SETD7: variants seen among roughly 807,000 people sequenced by gnomAD.
SETD7 encodes the protein histone-lysine N-methyltransferase SETD7.
In SETD7, 16 loss-of-function variants were observed where a neutral mutation model predicts 41.8. That is an observed-to-expected ratio of 0.38 (90% CI 0.26 to 0.58). The LOEUF is 0.58. Ranked by LOEUF, SETD7 falls within the 20% of genes least tolerant of loss-of-function variation. The pLI is 0.64. For synonymous variants in SETD7, 163 were observed against 169.7 expected, an observed-to-expected ratio of 0.96 and a Z score of 0.31; for missense variants, 346 against 459.7, an observed-to-expected ratio of 0.75 and a Z score of 2.26.
At chr4:139,502,690 A>T (rs1450035867), downstream of SETD7, among the ~76,000 whole-genome samples, 1 of 152,186 alleles carries the variant, frequency 6.6e-6, no homozygotes, top group South Asian at 2.1e-4. Context: ...TCCACCACAC[A>T]ACCCTCCCTC....
intron 7 of SETD7, among the ~76,000 whole-genome samples, chr4:139,515,553 T>C (rs940000964): frequency 4.6e-5 from 7 of 152,254 alleles, no homozygotes; most frequent in Non-Finnish European, 5.9e-5. Context: ...TGTTAAGCTG[T>C]GTGCAGCTTG....
At chr4:139,499,632 C>A (rs759313211) in intron 7 of SETD7, among the ~76,000 whole-genome samples, 30 of 151,804 alleles carry the variant, frequency 2.0e-4, no homozygotes, top group Non-Finnish European at 4.3e-4. Flanking sequence ...CCAATCAATC[C>A]TTTCAGTTTC....
intron 7 of SETD7, among the ~76,000 whole-genome samples, chr4:139,496,875 C>T (rs1186740151): frequency 2.0e-5 from 3 of 148,532 alleles, no homozygotes; most frequent in Admixed American, 6.7e-5. Flanking sequence ...TGTTCCTGTA[C>T]ACACACACAC....
chr4:139,503,850 A>G (rs720257), downstream of SETD7, among the ~76,000 whole-genome samples: 96,163 of 152,010 alleles, frequency 0.63, 32,540 homozygotes, highest in South Asian at 0.79. Context: ...CACTCAGATA[A>G]TCATAGTGCC....
chr4:139,518,338 A>T (rs1727086547), intron 6 of SETD7, among the ~76,000 whole-genome samples: 1 of 152,178 alleles, frequency 6.6e-6, no homozygotes, highest in Non-Finnish European at 1.5e-5. Context: ...CATGTTGGCC[A>T]GGCTGGTCTC....
intron 2 of SETD7, among the ~76,000 whole-genome samples, chr4:139,545,432 C>T (rs1727912916): frequency 6.6e-6 from 1 of 152,088 alleles, no homozygotes; most frequent in Non-Finnish European, 1.5e-5. Context: ...CAGGCCAATA[C>T]CAACATACTG....
At chr4:139,542,057 T>C (rs1411512175) in intron 2 of SETD7, among the ~76,000 whole-genome samples, 1 of 152,206 alleles carries the variant, frequency 6.6e-6, no homozygotes, top group African/African-American at 2.4e-5. Context: ...CTATTCAGCA[T>C]AAAAACAAAA....
At chr4:139,526,265 C>A (rs980599656) in intron 4 of SETD7, among the ~76,000 whole-genome samples, 1 of 150,760 alleles carries the variant, frequency 6.6e-6, no homozygotes, top group Non-Finnish European at 1.5e-5. Flanking sequence ...AGAATTCTCA[C>A]TCTCAACAAT....
At chr4:139,493,947 G>A (rs1223373020), downstream of SETD7, among the ~76,000 whole-genome samples, 1 of 152,096 alleles carries the variant, frequency 6.6e-6, no homozygotes, top group African/African-American at 2.4e-5. Flanking sequence ...AACTTTTCTG[G>A]AGGCTCACTC....
chr4:139,517,475 C>CA lies in SETD7; in HGVS notation c.920+409dup, dbSNP rs56132171. Among the ~76,000 whole-genome samples, 12 of 134,076 alleles carry CA rather than the reference C, an allele frequency of 9.0e-5. 1 individual carries two copies. Among genetic ancestry groups the CA allele is most frequent in the African/African-American group, 2.2e-4 (7 of 31,804 alleles). The allele number at this position is 134,076 out of a possible 152,430, so 88.0% of individuals were successfully genotyped here. Reference sequence around the variant, plus strand: ...GGGCATCAAGAAGGAAAATCCATCTCAAAAAAAAAAAAAAAAAAAAAAAAA... The same window carrying CA: ...GGGCATCAAGAAGGAAAATCCATCTCAAAAAAAAAAAAAAAAAAAAAAAAAA... On this transcript the variant is annotated intron_variant, in intron 7 of 7. Transcript: ENST00000274031.
chr4:139,518,151 A>C, intron 6 of SETD7, 109 bp from the exon 7 acceptor site: 1 of 1,197,420 alleles, frequency 8.4e-7, no homozygotes, highest in Non-Finnish European at 1.1e-6. Flanking sequence ...TTTTTGAGAC[A>C]GGGTCTCACT....
At chr4:139,512,909 T>A (rs963019075) in intron 7 of SETD7, among the ~76,000 whole-genome samples, 2 of 151,514 alleles carry the variant, frequency 1.3e-5, no homozygotes, top group African/African-American at 4.8e-5. Context: ...AGGTGTGTGC[T>A]ACCATGGCCA....
chr4:139,553,703 G>A lies in SETD7; in HGVS notation c.40+2395C>T, dbSNP rs562983448. Reference sequence around the variant, plus strand: ...ATGTCTGTGAAACACTTAGCACAGAGCCTGCACTTAATAAGAACTAAACAA... The same window carrying A: ...ATGTCTGTGAAACACTTAGCACAGAACCTGCACTTAATAAGAACTAAACAA... On this transcript the variant is annotated intron_variant, in intron 1 of 7. Coordinates refer to ENST00000274031, the MANE Select transcript of SETD7 (RefSeq NM_030648.4). 6.6e-5 allele frequency among the ~76,000 whole-genome samples: 10 copies of A among 152,270 alleles called. No homozygotes were observed. In the South Asian group the frequency reaches 2.1e-3, roughly 32 times the overall value.
At chr4:139,551,763 G>A (rs1413714604) in intron 1 of SETD7, among the ~76,000 whole-genome samples, 1 of 152,142 alleles carries the variant, frequency 6.6e-6, no homozygotes, top group Non-Finnish European at 1.5e-5. Context: ...GCTCATGCCT[G>A]TAATCCCAGC....
At position 139,556,012 on chromosome 4, in the gene SETD7, G is replaced by C. The variant is rs1225424233; in HGVS notation, c.40+86C>G. ...GGGGACAGTGGCGGCCGCGGGGCCC[G>C]GCGCCGCGCTGTTCGCAGCCCGCCA... On this transcript the variant is annotated intron_variant, in intron 1 of 7. Transcript: ENST00000274031. The C allele has an allele frequency of 5.1e-6, 7 of 1,369,680 alleles. No homozygotes were observed. In the Middle Eastern group the frequency reaches 7.7e-4, roughly 150 times the overall value. The allele number at this position is 1,369,680 out of a possible 1,614,324, so 84.8% of individuals were successfully genotyped here. A position where few individuals can be genotyped will look rare whatever the true frequency, so the allele number is the denominator to read the frequency against.
rs1726841193 is a variant in SETD7 at position 139,510,564 on chromosome 4, A to C, written c.*1099T>G. ...GTGCTTTGAAATTACAATGATGAAG[A>C]GTTTTAGCATCAAGGTTTGATTTGT... is the stretch of plus-strand genomic sequence containing the variant. On this transcript the variant is annotated 3_prime_UTR_variant, in exon 8 of 8. Transcript: ENST00000274031. 1.3e-5 allele frequency: 2 copies of C among 152,222 alleles called. No individual in the cohort carries two copies. The highest frequency in any genetic ancestry group is 4.1e-4 in the South Asian group (2 of 4,834). The allele number at this position is 152,222 out of a possible 1,614,324, so 9.4% of individuals were successfully genotyped here. A position where few individuals can be genotyped will look rare whatever the true frequency, so the allele number is the denominator to read the frequency against.
At chr4:139,538,990 A>C (rs903803225) in intron 2 of SETD7, among the ~76,000 whole-genome samples, 1 of 152,232 alleles carries the variant, frequency 6.6e-6, no homozygotes, top group Non-Finnish European at 1.5e-5. Flanking sequence ...AAATGGATAA[A>C]TTTTATAGTT....
At chr4:139,527,155 C>T (rs1023954972) in intron 4 of SETD7, among the ~76,000 whole-genome samples, 2 of 152,200 alleles carry the variant, frequency 1.3e-5, no homozygotes, top group African/African-American at 4.8e-5. Context: ...GGCTCCAAAC[C>T]TGTACAGCTT....
At chr4:139,500,509 T>C (rs2111108651) in intron 7 of SETD7, among the ~76,000 whole-genome samples, 1 of 152,318 alleles carries the variant, frequency 6.6e-6, no homozygotes, top group East Asian at 1.9e-4. Flanking sequence ...GGTTTTTGTT[T>C]GTTTGTTTTG....
Sources: gnomAD v4.1 joint callset for allele counts (sites outside exome capture counted in the v4.1 genomes callset) on GRCh38, gnomAD v4.1.1 for gene constraint, MANE v1.5 for transcripts, NCBI Gene and HGNC (gene_info 2026-07-23, HGNC 2026-07-21) for gene names.